Variants in DGKK observed in about 807,000 individuals in gnomAD.
DGKK encodes 142 kDa diacylglycerol kinase.
Under a neutral mutation model 92.2 loss-of-function variants are expected in DGKK, and 35 were observed. The observed-to-expected ratio is 0.38, with a 90% CI of 0.29 to 0.50. The LOEUF (loss-of-function observed/expected upper bound fraction) is 0.50. Ranked by LOEUF, DGKK falls within the 20% of genes least tolerant of loss-of-function variation. The pLI is 0.92. For missense variants in DGKK, 910 were observed against 992.2 expected (o/e 0.92, Z 1.11); for synonymous variants, 368 against 360.6 (o/e 1.02, Z -0.23).
At chrX:50,422,824 A>G (rs184106641) in intron 2 of DGKK, among the ~76,000 whole-genome samples, 42 of 112,655 alleles carry the variant, frequency 3.7e-4, no homozygotes, top group Non-Finnish European at 6.8e-4. Context: ...TTATTTAAAC[A>G]TAAAGGCTTA....
At chrX:50,462,091 C>T (rs782683154) in intron 1 of DGKK, among the ~76,000 whole-genome samples, 3 of 111,556 alleles carry the variant, frequency 2.7e-5, no homozygotes, top group South Asian at 3.8e-4. Flanking sequence ...GGAACAATGA[C>T]GCAGCGAATT....
Position 50,387,599 on chromosome X carries a change from A to T in DGKK, c.2073T>A (p.Gly691=). ...TTGCAGTGTTGTTCTGTTTTATCTG[A>T]CCCCAGGCCTTTACAATATCAACCA... The part of the protein sequence containing the change: ...DFVVDIVKAW[G]QIKQNNTAIV... Residue 691 remains glycine, a synonymous_variant, in exon 14 of 28, where the codon GGT becomes GGA. Coordinates refer to ENST00000611977, the MANE Select transcript of DGKK (RefSeq NM_001013742.4). The T allele has an allele frequency of 8.3e-7, 1 of 1,208,887 alleles. No individual in the cohort carries two copies. The highest frequency in any genetic ancestry group is 1.1e-6 in the Non-Finnish European group (1 of 893,643).
At chrX:50,446,292 C>T (rs781976193) in intron 1 of DGKK, among the ~76,000 whole-genome samples, 3 of 111,451 alleles carry the variant, frequency 2.7e-5, no homozygotes, top group African/African-American at 9.8e-5. Flanking sequence ...TGCCTGATTG[C>T]TCTGGCCAGG....
In DGKK at chrX:50,393,354, AAAG is replaced by A. The variant is rs1924751680; in HGVS notation, c.1412-22_1412-20del. Reference sequence around the variant, plus strand: ...AATTGGCCTGACACAACGAAAAGAAAAAGAAGAAAAAAAAGAACGGACCCGTTG... The same window carrying A: ...AATTGGCCTGACACAACGAAAAGAAAAAGAAAAAAAAGAACGGACCCGTTG... On this transcript the variant is annotated intron_variant, in intron 8 of 27. Transcript: ENST00000611977. The A allele has an allele frequency of 8.5e-7, 1 of 1,170,988 alleles. No homozygotes were observed. Among genetic ancestry groups the A allele is most frequent in the African/African-American group, 1.8e-5 (1 of 56,278 alleles).
intron 1 of DGKK, among the ~76,000 whole-genome samples, chrX:50,458,890 T>C (rs1557233074): frequency 8.9e-6 from 1 of 111,909 alleles, no homozygotes; most frequent in African/African-American, 3.2e-5. Flanking sequence ...CTTCTACTGA[T>C]ACTTTTCACT....
intron 1 of DGKK, among the ~76,000 whole-genome samples, chrX:50,435,042 C>T (rs1161353021): frequency 8.9e-6 from 1 of 112,142 alleles, no homozygotes; most frequent in African/African-American, 3.2e-5. Context: ...AGGCTACAAA[C>T]CTGCACAACC....
At chrX:50,370,269 T>C (rs1557222975) in intron 27 of DGKK, among the ~76,000 whole-genome samples, 157 bp downstream of exon 27, 4 of 111,295 alleles carry the variant, frequency 3.6e-5, no homozygotes, top group Non-Finnish European at 7.5e-5. Context: ...TTGTCCAAGA[T>C]ATGGCTTGGT....
chrX:50,380,004 G>T lies in DGKK; in HGVS notation c.2731C>A (p.Leu911Met). 1 of 1,211,583 alleles carries T rather than the reference G, an allele frequency of 8.3e-7. No homozygotes were observed. The highest frequency in any genetic ancestry group is 1.1e-6 in the Non-Finnish European group (1 of 895,288). The change falls in exon 19 of 28, where the codon CTG becomes ATG. Residue 911 changes from leucine to methionine, a missense_variant. Leu to Met is a conservative substitution (Grantham distance 15, BLOSUM62 2). Transcript: ENST00000611977. ...ACCTCCAAATGCACTCGTTCTTCCAGTTTCCTGTAAGAGCGCTGCAAAAGT... is the reference window on the plus strand; with the variant it reads ...ACCTCCAAATGCACTCGTTCTTCCATTTTCCTGTAAGAGCGCTGCAAAAGT... ...KELLQRSYRK[L>M]EERVHLECDG...
At chrX:50,406,763 T>C (rs1557227321) in intron 4 of DGKK, among the ~76,000 whole-genome samples, 1 of 112,221 alleles carries the variant, frequency 8.9e-6, no homozygotes, top group Non-Finnish European at 1.9e-5. Context: ...TTGGGACTTC[T>C]AGACTCTAAA....
intron 4 of DGKK, among the ~76,000 whole-genome samples, chrX:50,420,042 C>T (rs1925537542): frequency 1.8e-5 from 2 of 111,707 alleles, no homozygotes; most frequent in South Asian, 7.7e-4. Flanking sequence ...GTTTCCTTAG[C>T]TATCACTATA....
chrX:50,429,246 T>G (rs1373379925), intron 1 of DGKK, among the ~76,000 whole-genome samples: 1 of 111,541 alleles, frequency 9.0e-6, no homozygotes, highest in Non-Finnish European at 1.9e-5. Context: ...AGTTACAAAA[T>G]GCTAGTGGAC....
chrX:50,409,214 A>G (rs1925246371), intron 4 of DGKK, among the ~76,000 whole-genome samples: 1 of 110,792 alleles, frequency 9.0e-6, no homozygotes, highest in African/African-American at 3.3e-5. Flanking sequence ...GAACAGACAC[A>G]GGGGAGAATA....
At chrX:50,453,996 A>G (rs1358935393) in intron 1 of DGKK, among the ~76,000 whole-genome samples, 1 of 109,019 alleles carries the variant, frequency 9.2e-6, no homozygotes, top group Non-Finnish European at 1.9e-5. Context: ...TCAGGCTTAA[A>G]AAAAAAAAGA....
chrX:50,431,746 C>T (rs782363362), intron 1 of DGKK, among the ~76,000 whole-genome samples: 3 of 111,495 alleles, frequency 2.7e-5, no homozygotes, highest in East Asian at 2.8e-4. Context: ...AATGCAACTC[C>T]GGGTGCTTTA....
intron 13 of DGKK, among the ~76,000 whole-genome samples, 151 bp from the exon 14 acceptor site, chrX:50,387,804 G>A (rs1175938606): frequency 9.0e-6 from 1 of 111,130 alleles, no homozygotes; most frequent in Non-Finnish European, 1.9e-5. Flanking sequence ...TTTTCTCTCT[G>A]CTTTTTTTTT....
chrX:50,389,886 G>T (rs1487058098), intron 12 of DGKK, among the ~76,000 whole-genome samples: 2 of 111,071 alleles, frequency 1.8e-5, no homozygotes, highest in African/African-American at 6.6e-5. Flanking sequence ...CAAGTATCTT[G>T]TGAAATGGCA....
chrX:50,377,207 A>G (rs1459098397), intron 22 of DGKK, among the ~76,000 whole-genome samples: 2 of 112,316 alleles, frequency 1.8e-5, no homozygotes, highest in African/African-American at 6.5e-5. Flanking sequence ...GGTTTCTAGA[A>G]GCTCCCATAT....
At position 50,403,615 on chromosome X, in the gene DGKK, G is replaced by GAA; in HGVS notation, c.1079-20_1079-19dup. 1 of 1,140,502 alleles carries GAA rather than the reference G, an allele frequency of 8.8e-7. No homozygotes were observed. Among genetic ancestry groups the GAA allele is most frequent in the Non-Finnish European group, 1.2e-6 (1 of 832,929 alleles). 94.0% of individuals were successfully genotyped at this position (1,140,502 alleles called of 1,213,427 possible). On this transcript the variant is annotated intron_variant, in intron 5 of 27. Coordinates refer to ENST00000611977, the MANE Select transcript of DGKK (RefSeq NM_001013742.4). Reference sequence around the variant, plus strand: ...TTTGCACACTGTGAGAAGAGGAAGAGAAAAGATGGGTGTGAATCTGGTGAC... The same window carrying GAA: ...TTTGCACACTGTGAGAAGAGGAAGAGAAAAAAGATGGGTGTGAATCTGGTGAC...
chrX:50,371,582 A>T (rs1315501331), intron 26 of DGKK, 142 bp downstream of exon 26: 2 of 436,575 alleles, frequency 4.6e-6, no homozygotes, highest in Non-Finnish European at 7.9e-6. Context: ...GTGGGCAGGG[A>T]GGAAGCTCCA....
Sources: gnomAD v4.1 joint callset for allele counts (sites outside exome capture counted in the v4.1 genomes callset) on GRCh38, gnomAD v4.1.1 for gene constraint, MANE v1.5 for transcripts, NCBI Gene and HGNC (gene_info 2026-07-23, HGNC 2026-07-21) for gene names.